RB1CC1: variants seen among roughly 807,000 people sequenced by gnomAD.
RB1CC1 encodes RB1-inducible coiled-coil protein 1.
A neutral mutation model predicts 177.5 loss-of-function variants in RB1CC1; 46 were observed. The ratio of observed to expected loss-of-function variants is 0.26; its 90% CI spans 0.20 to 0.33. The LOEUF (loss-of-function observed/expected upper bound fraction) is 0.33. RB1CC1 is among the 10% of genes least tolerant of loss of function. The probability of loss-of-function intolerance (pLI) is 1.00; values close to 1 mark genes in which losing one functional copy is unlikely to be tolerated. For missense variants in RB1CC1, 1,703 were observed against 1,816.3 expected (o/e 0.94, Z 1.13); for synonymous variants, 666 against 613.6 (o/e 1.09, Z -1.26).
chr8:52,656,868 A>G lies in RB1CC1; in HGVS notation c.2961T>C (p.His987=). The G allele has an allele frequency of 2.5e-6, 4 of 1,613,500 alleles. No homozygotes were observed. Among genetic ancestry groups the G allele is most frequent in the Non-Finnish European group, 3.4e-6 (4 of 1,179,964 alleles). The change falls in exon 15 of 24, where the codon CAT becomes CAC. Residue 987 remains histidine, a synonymous_variant. Coordinates refer to ENST00000025008, the MANE Select transcript of RB1CC1 (RefSeq NM_014781.5). ...GAAGTGTGTCCTCTAATTCCTTTAG[A>G]TGACTTTGCTCCAAGGACTGAAGTT... ...RAELQSLEQS[H]LKELEDTLQV...
intron 1 of RB1CC1, among the ~76,000 whole-genome samples, chr8:52,697,585 GC>G (rs1245327455): frequency 6.6e-6 from 1 of 152,118 alleles, no homozygotes; most frequent in African/African-American, 2.4e-5. Flanking sequence ...AACTAGTCTA[GC>G]AAAAATAAGC....
intron 3 of RB1CC1, among the ~76,000 whole-genome samples, chr8:52,684,470 T>C (rs1352125315): frequency 6.6e-6 from 1 of 152,198 alleles, no homozygotes; most frequent in African/African-American, 2.4e-5. Context: ...ATAATTCCAA[T>C]GTCAGTTTTA....
At chr8:52,701,540 G>A (rs1227233077) in intron 1 of RB1CC1, among the ~76,000 whole-genome samples, 1 of 152,056 alleles carries the variant, frequency 6.6e-6, no homozygotes, top group Non-Finnish European at 1.5e-5. Context: ...TGCTCACAAG[G>A]ATCATTACTT....
At chr8:52,704,453 A>G (rs1264549796) in intron 1 of RB1CC1, among the ~76,000 whole-genome samples, 1 of 93,412 alleles carries the variant, frequency 1.1e-5, no homozygotes, top group Non-Finnish European at 2.7e-5. Context: ...CAAAGGTGAC[A>G]TTAAAAAAAA....
At chr8:52,640,909 T>A (rs1442185601) in intron 18 of RB1CC1, among the ~76,000 whole-genome samples, 2 of 152,132 alleles carry the variant, frequency 1.3e-5, no homozygotes, top group African/African-American at 4.8e-5. Context: ...GTAATTTTAT[T>A]TTTCAAAAAC....
At chr8:52,652,631 CAG>C (rs1230749452) in intron 15 of RB1CC1, among the ~76,000 whole-genome samples, 1 of 152,088 alleles carries the variant, frequency 6.6e-6, no homozygotes, top group Non-Finnish European at 1.5e-5. Context: ...GATACTGTGA[CAG>C]AAGTTAGAGA....
At chr8:52,710,336 G>A (rs1856947458) in intron 1 of RB1CC1, among the ~76,000 whole-genome samples, 1 of 152,172 alleles carries the variant, frequency 6.6e-6, no homozygotes, top group African/African-American at 2.4e-5. Flanking sequence ...CCAAAAGAAT[G>A]AAGCGAGCAT....
intron 18 of RB1CC1, among the ~76,000 whole-genome samples, chr8:52,641,730 A>G (rs1280600702): frequency 1.3e-5 from 2 of 152,136 alleles, no homozygotes; most frequent in African/African-American, 4.8e-5. Context: ...CAGTTCCCAT[A>G]TCTGAAATCC....
intron 1 of RB1CC1, among the ~76,000 whole-genome samples, chr8:52,692,367 G>T (rs1450512877): frequency 2.0e-5 from 3 of 152,042 alleles, no homozygotes; most frequent in Non-Finnish European, 1.5e-5. Flanking sequence ...AAACAAACAT[G>T]AAGTTCCAAA....
At chr8:52,700,199 G>GT (rs1855923041) in intron 1 of RB1CC1, among the ~76,000 whole-genome samples, 2 of 152,154 alleles carry the variant, frequency 1.3e-5, no homozygotes, top group African/African-American at 4.8e-5. Context: ...TTTCACGGTG[G>GT]TAAGACAGAG....
chr8:52,678,786 A>G (rs1454559750), intron 5 of RB1CC1, among the ~76,000 whole-genome samples: 2 of 152,222 alleles, frequency 1.3e-5, no homozygotes, highest in African/African-American at 4.8e-5. Context: ...ATATGAATGT[A>G]AAGAGCACTG....
chr8:52,686,178 A>G (rs1462967056), intron 2 of RB1CC1: 3 of 152,268 alleles, frequency 2.0e-5, no homozygotes, highest in Admixed American at 2.0e-4. Flanking sequence ...AATATTTAAA[A>G]CAACTCTGTG....
intron 20 of RB1CC1, among the ~76,000 whole-genome samples, chr8:52,634,450 C>T (rs999448803): frequency 6.6e-6 from 1 of 151,510 alleles, no homozygotes; most frequent in African/African-American, 2.4e-5. Flanking sequence ...CACTTGAACC[C>T]GGGAGGTGGA....
Position 52,683,965 on chromosome 8 carries a change from A to G in RB1CC1, c.120T>C (p.Ile40=). The G allele has an allele frequency of 6.2e-7, 1 of 1,614,110 alleles. No homozygotes were observed. The highest frequency in any genetic ancestry group is 1.1e-5 in the South Asian group (1 of 91,082). ...CATTGACCACCAGCACCTGGTGTTG[A>G]ATAGCAATCTTGTATTTGCTTTGAA... The part of the protein sequence containing the change: ...HAIQSKYKIA[I]QHQVLVVNGG... Residue 40 remains isoleucine (I), a synonymous_variant, in exon 4 of 24, where the codon ATT becomes ATC. Coordinates refer to ENST00000025008, the MANE Select transcript of RB1CC1 (RefSeq NM_014781.5).
intron 6 of RB1CC1, among the ~76,000 whole-genome samples, chr8:52,675,443 A>T (rs574260769): frequency 6.6e-6 from 1 of 152,296 alleles, no homozygotes; most frequent in East Asian, 1.9e-4. Flanking sequence ...ACACACACAC[A>T]ATAAGGGTTA....
intron 1 of RB1CC1, among the ~76,000 whole-genome samples, chr8:52,701,712 A>T (rs1161846557): frequency 6.6e-6 from 1 of 151,210 alleles, no homozygotes; most frequent in African/African-American, 2.4e-5. Flanking sequence ...CTTTTCTGTC[A>T]CTTAAATCTC....
chr8:52,675,106 C>T (rs530737616), intron 6 of RB1CC1, among the ~76,000 whole-genome samples: 1 of 152,232 alleles, frequency 6.6e-6, no homozygotes, highest in African/African-American at 2.4e-5. Flanking sequence ...CTACTTTAAA[C>T]TGATACAGCT....
chr8:52,655,151 C>T lies in RB1CC1; in HGVS notation c.3821+857G>A, dbSNP rs140192377. ...TTAAACCCTCTAATGCCCCCTCCCC[C>T]AGAATACCTAAAGAGCTTCTAATTT... On this transcript the variant is annotated intron_variant, in intron 15 of 23. Transcript: ENST00000025008. Among the ~76,000 whole-genome samples, 1,069 of 152,220 alleles carry T rather than the reference C, an allele frequency of 7.0e-3. 8 individuals are homozygous for T. Among genetic ancestry groups the T allele is most frequent in the Non-Finnish European group, 0.012 (819 of 68,014 alleles).
At chr8:52,685,902 A>T (rs1854237475) in intron 2 of RB1CC1, 1 of 152,722 alleles carries the variant, frequency 6.5e-6, no homozygotes, top group Non-Finnish European at 1.5e-5. Context: ...TCCTCAACAT[A>T]ATAAAAAATA....
Sources: allele counts gnomAD v4.1 joint callset (sites outside exome capture counted in the v4.1 genomes callset), GRCh38; gene constraint gnomAD v4.1.1; transcripts MANE v1.5; gene names NCBI Gene and HGNC (gene_info 2026-07-23, HGNC 2026-07-21).